HGF: variants seen among roughly 807,000 people sequenced by gnomAD.
HGF encodes the protein fibroblast-derived tumor cytotoxic factor.
A neutral mutation model predicts 111.6 loss-of-function variants in HGF; 39 were observed. That is an observed-to-expected ratio of 0.35 (90% CI 0.27 to 0.46). The LOEUF is 0.46. Ranked by LOEUF, HGF falls within the 20% of genes least tolerant of loss-of-function variation. HGF has a pLI of 1.00. For synonymous variants in HGF, 285 were observed against 294.8 expected, an observed-to-expected ratio of 0.97 and a Z score of 0.34; for missense variants, 735 against 910.5, an observed-to-expected ratio of 0.81 and a Z score of 2.48.
intron 7 of HGF, among the ~76,000 whole-genome samples, chr7:81,731,440 A>G (rs921876534): frequency 6.6e-6 from 1 of 152,198 alleles, no homozygotes; most frequent in African/African-American, 2.4e-5. Flanking sequence ...ATTCATCTAT[A>G]TTGATATTGA....
At chr7:81,762,642 C>T (rs950028924) in intron 2 of HGF, 65 bp downstream of exon 2, 4 of 1,161,860 alleles carry the variant, frequency 3.4e-6, no homozygotes, top group Non-Finnish European at 5.2e-6. Flanking sequence ...ACAAAAGACA[C>T]ATGATTATAA....
At chr7:81,711,589 T>C (rs1789571455) in intron 11 of HGF, 70 bp from the exon 12 acceptor site, 9 of 659,536 alleles carry the variant, frequency 1.4e-5, no homozygotes, top group Non-Finnish European at 2.4e-5. Context: ...AAACCAAATA[T>C]ATATTAAAAT....
rs189052337 is a variant in HGF, at chr7:81,758,781, C to G, written c.278G>C (p.Arg93Thr). The change falls in exon 3 of 18, where the codon AGA becomes ACA. Residue 93 changes from arginine (R) to threonine (T), a missense_variant. Physicochemically the swap from Arg to Thr is moderately conservative, Grantham distance 71. Around this residue, in one of 3 missense-constraint regions of HGF, gnomAD observed 553 missense variants for 685.6 expected, o/e 0.81. Coordinates refer to ENST00000222390, the MANE Select transcript of HGF (RefSeq NM_000601.6). ...TCKAFVFDKA[R>T]KQCLWFPFNS... ...GAAGGGGAACCAGAGGCATTGTTTT[C>G]TTGCTTTATCAAAAACAAAAGCCCT... 19 of 1,612,372 alleles carry G rather than the reference C, an allele frequency of 1.2e-5. No homozygotes were observed. The African/African-American group carries it at 2.3e-4, about 19-fold the overall frequency.
intron 9 of HGF, 144 bp downstream of exon 9, chr7:81,725,746 T>C (rs1789988163): frequency 2.2e-6 from 2 of 918,340 alleles, no homozygotes; most frequent in Non-Finnish European, 3.6e-6. Context: ...ATAAGAAAAA[T>C]CCAGCTTCAA....
At position 81,752,202 on chromosome 7, in the gene HGF, T is replaced by C; in HGVS notation, c.543A>G (p.Arg181=). 6.2e-7 allele frequency: 1 copy of C among 1,613,600 alleles called. No homozygotes were observed. The highest frequency in any genetic ancestry group is 8.5e-7 in the Non-Finnish European group (1 of 1,179,622). ...AACACCAGGGTCCCCCTTCTTCCCC[T>C]CGAGGATTTCGACAGTAGTTTTCCT... ...DLQENYCRNP[R]GEEGGPWCFT... is the part of the protein sequence containing the mutation. The change falls in exon 5 of 18, where the codon CGA becomes CGG. Residue 181 remains arginine, a synonymous_variant. Transcript: ENST00000222390.
At chr7:81,725,106 GA>G (rs1789970937) in intron 9 of HGF, among the ~76,000 whole-genome samples, 1 of 152,132 alleles carries the variant, frequency 6.6e-6, no homozygotes, top group Non-Finnish European at 1.5e-5. Flanking sequence ...GCTATTTTCC[GA>G]AATGCAGCCA....
At chr7:81,730,110 A>T (rs1020759049) in intron 7 of HGF, among the ~76,000 whole-genome samples, 25 of 152,206 alleles carry the variant, frequency 1.6e-4, no homozygotes, top group African/African-American at 5.8e-4. Context: ...TTATAAGTAC[A>T]TACAAAGTGG....
rs1168082930 is a variant in HGF at position 81,743,428 on chromosome 7, C to A, written c.790G>T (p.Asp264Tyr). 2 of 1,613,506 alleles carry A rather than the reference C, an allele frequency of 1.2e-6. No individual in the cohort carries two copies. Among genetic ancestry groups the A allele is most frequent in the African/African-American group, 1.3e-5 (1 of 74,874 alleles). Residue 264 changes from aspartate to tyrosine, a missense_variant, in exon 7 of 18, where the codon GAT becomes TAT. Physicochemically the swap from Asp to Tyr is radical, Grantham distance 160 (BLOSUM62 -3). Coordinates refer to ENST00000222390, the MANE Select transcript of HGF (RefSeq NM_000601.6). ...TAGCACCATGGCCTCGGCTGGCCAT[C>A]GGGATTGCGGCAATAATTATCATCA... ...GFDDNYCRNP[D>Y]GQPRPWCYTL...
At chr7:81,720,487 G>A (rs1789823868) in intron 10 of HGF, among the ~76,000 whole-genome samples, 1 of 152,104 alleles carries the variant, frequency 6.6e-6, no homozygotes, top group African/African-American at 2.4e-5. Flanking sequence ...TTTTGTTGAT[G>A]TTCCCCATGG....
chr7:81,762,714 T>C lies in HGF; in HGVS notation c.247A>G (p.Thr83Ala). 1 of 1,610,708 alleles carries C rather than the reference T, an allele frequency of 6.2e-7. No homozygotes were observed. The highest frequency in any genetic ancestry group is 1.1e-5 in the South Asian group (1 of 91,012). ...GAAAATGAAGTAACTTACTTGCAAG[T>C]GAATGGAAGTCCTTTATTCCTAGTA... ...RCTRNKGLPF[T>A]CKAFVFDKAR... Residue 83 changes from threonine to alanine, a missense_variant, in exon 2 of 18, where the codon ACT (threonine) becomes GCT (alanine). Transcript: ENST00000222390.
At chr7:81,755,863 G>T in intron 4 of HGF, 1 of 563,542 alleles carries the variant, frequency 1.8e-6, no homozygotes, top group Non-Finnish European at 3.1e-6. Context: ...TTGTAGAGAT[G>T]ATCAGCTTGG....
rs542863437 is a variant in HGF, at chr7:81,729,491, A to G, written c.1040+114T>C. 74 of 782,282 alleles carry G rather than the reference A, an allele frequency of 9.5e-5. No homozygotes were observed. The Admixed American group carries it at 1.4e-3, about 14-fold the overall frequency. The allele number at this position is 782,282 out of a possible 1,614,324, so 48.5% of individuals were successfully genotyped here. ...GTAATCTGCCTTTTAACTCCTGATT[A>G]TCACTGGGCACGCTGAAGTTTGATC... On this transcript the variant is annotated intron_variant, in intron 8 of 17. Coordinates refer to ENST00000222390, the MANE Select transcript of HGF (RefSeq NM_000601.6).
rs772266690 is a variant in HGF, at chr7:81,729,797, C to T, written c.866-18G>A. On this transcript the variant is annotated intron_variant, in intron 7 of 17. Coordinates refer to ENST00000222390, the MANE Select transcript of HGF (RefSeq NM_000601.6). ...ATTGTCAGCTATTGGCAAAAAACAA[C>T]AACAAAAAAAAACTTATATAAAATC... 6.6e-7 allele frequency: 1 copy of T among 1,504,820 alleles called. No homozygotes were observed. Among genetic ancestry groups the T allele is most frequent in the Non-Finnish European group, 8.8e-7 (1 of 1,138,418 alleles). The allele number at this position is 1,504,820 out of a possible 1,614,324, so 93.2% of individuals were successfully genotyped here.
intron 1 of HGF, among the ~76,000 whole-genome samples, chr7:81,763,402 C>T (rs1789200506): frequency 6.6e-6 from 1 of 152,172 alleles, no homozygotes; most frequent in Non-Finnish European, 1.5e-5. Flanking sequence ...GCCCCTCTCT[C>T]CTCCTTTAGT....
At chr7:81,710,824 C>T (rs1789553335) in intron 12 of HGF, among the ~76,000 whole-genome samples, 1 of 152,124 alleles carries the variant, frequency 6.6e-6, no homozygotes, top group African/African-American at 2.4e-5. Context: ...CCTGACCCTC[C>T]TCTGTGCTCC....
intron 11 of HGF, among the ~76,000 whole-genome samples, chr7:81,715,824 A>T (rs1313090413): frequency 6.6e-6 from 1 of 152,174 alleles, no homozygotes; most frequent in African/African-American, 2.4e-5. Context: ...TTTTTAGAGT[A>T]GATATTTTTG....
Position 81,762,825 on chromosome 7 carries a change from C to T in HGF, c.136G>A (p.Ala46Thr), listed in dbSNP as rs1345410953. Reference sequence around the variant, plus strand: ...TCTATTTTGATTAGGGTAGTCTTTGCTGATTTTTTGAATTCATGAATTGTA... The same window carrying T: ...TCTATTTTGATTAGGGTAGTCTTTGTTGATTTTTTGAATTCATGAATTGTA... Reference protein sequence around the residue: ...RNTIHEFKKSAKTTLIKIDPA... With the variant: ...RNTIHEFKKSTKTTLIKIDPA... Residue 46 changes from alanine to threonine, a missense_variant, in exon 2 of 18, where the codon GCA becomes ACA. Ala to Thr is a moderately conservative substitution (Grantham distance 58, BLOSUM62 0). Around this residue, in one of 3 missense-constraint regions of HGF, gnomAD observed 553 missense variants for 685.6 expected, o/e 0.81. Transcript: ENST00000222390. 1 of 1,596,916 alleles carries T rather than the reference C, an allele frequency of 6.3e-7. No homozygotes were observed. Among genetic ancestry groups the T allele is most frequent in the Non-Finnish European group, 8.6e-7 (1 of 1,164,710 alleles).
rs2115929592 is a variant in HGF, at chr7:81,729,797, CA to C, written c.866-19del. ...ATTGTCAGCTATTGGCAAAAAACAA[CA>C]ACAAAAAAAAACTTATATAAAATCT... On this transcript the variant is annotated intron_variant, in intron 7 of 17. Coordinates refer to ENST00000222390, the MANE Select transcript of HGF (RefSeq NM_000601.6). 6.6e-7 allele frequency: 1 copy of C among 1,504,820 alleles called. No individual in the cohort carries two copies. Among genetic ancestry groups the C allele is most frequent in the Non-Finnish European group, 8.8e-7 (1 of 1,138,418 alleles). 93.2% of individuals were successfully genotyped at this position (1,504,820 alleles called of 1,614,324 possible). A position where few individuals can be genotyped will look rare whatever the true frequency, so the allele number is the denominator to read the frequency against.
At chr7:81,736,074 G>A (rs936074290) in intron 7 of HGF, among the ~76,000 whole-genome samples, 2 of 151,668 alleles carry the variant, frequency 1.3e-5, no homozygotes, top group African/African-American at 4.8e-5. Flanking sequence ...GCAATACCTC[G>A]AATAGACACC....
Sources: gnomAD v4.1 joint callset for allele counts (sites outside exome capture counted in the v4.1 genomes callset) on GRCh38, gnomAD v4.1.1 for gene constraint, gnomAD v4.1.1 regional missense constraint, MANE v1.5 for transcripts, NCBI Gene and HGNC (gene_info 2026-07-23, HGNC 2026-07-21) for gene names.